The following PRR16 variants were observed in gnomAD, a reference collection of about 807,000 sequenced individuals.
The protein encoded by PRR16 is proline rich 16.
A neutral mutation model predicts 18.2 loss-of-function variants in PRR16; 6 were observed. The observed-to-expected ratio is 0.33, with a 90% confidence interval of 0.18 to 0.65. The LOEUF (loss-of-function observed/expected upper bound fraction) is 0.65, where lower values mean the gene tolerates loss of function less well. Among genes scored for constraint, PRR16 ranks in the 30% least tolerant of loss-of-function variants. The pLI is 0.74. For missense variants in PRR16, 412 were observed against 376.6 expected, an observed-to-expected ratio of 1.09 and a Z score of -0.78; for synonymous variants, 151 against 147.8, an observed-to-expected ratio of 1.02 and a Z score of -0.16.
the PRR16 span, among the ~76,000 whole-genome samples, chr5:120,755,437 A>C: frequency 6.6e-6 from 1 of 151,986 alleles, no homozygotes; most frequent in Non-Finnish European, 1.5e-5. Flanking sequence ...CTTTATGTCC[A>C]TGAGTGCCTG....
At chr5:120,773,731 T>C in the PRR16 span, among the ~76,000 whole-genome samples, 2 of 151,980 alleles carry the variant, frequency 1.3e-5, no homozygotes, top group African/African-American at 4.8e-5. Context: ...AGAATAAAGA[T>C]GGGGGATATT....
At chr5:120,528,768 G>C (rs1012348553) in intron 1 of PRR16, among the ~76,000 whole-genome samples, 2 of 152,172 alleles carry the variant, frequency 1.3e-5, no homozygotes, top group African/African-American at 4.8e-5. Flanking sequence ...TGAGGCAGCT[G>C]TCTAGAGACG....
chr5:120,776,349 C>T, the PRR16 span, among the ~76,000 whole-genome samples: 1 of 152,096 alleles, frequency 6.6e-6, no homozygotes, highest in African/African-American at 2.4e-5. Context: ...TTTTCAAGCA[C>T]TTTGGGCAGT....
At chr5:120,465,926 C>T (rs1749065149) in intron 1 of PRR16, among the ~76,000 whole-genome samples, 1 of 152,154 alleles carries the variant, frequency 6.6e-6, no homozygotes, top group Non-Finnish European at 1.5e-5. Flanking sequence ...TCAAGAGCCC[C>T]CTCGTCTTCC....
chr5:120,466,540 T>C (rs573065889), intron 1 of PRR16, among the ~76,000 whole-genome samples: 10 of 152,230 alleles, frequency 6.6e-5, no homozygotes, highest in Non-Finnish European at 1.0e-4. Context: ...CTGCACATGG[T>C]CCTGGTTTTG....
intron 1 of PRR16, among the ~76,000 whole-genome samples, chr5:120,521,213 C>T (rs546467596): frequency 2.5e-4 from 38 of 151,584 alleles, no homozygotes; most frequent in Admixed American, 5.3e-4. Context: ...GCCTTTGGCT[C>T]GGGACAAGAT....
At chr5:120,558,793 A>T (rs1752491770) in intron 1 of PRR16, among the ~76,000 whole-genome samples, 1 of 151,892 alleles carries the variant, frequency 6.6e-6, no homozygotes, top group South Asian at 2.1e-4. Flanking sequence ...TTATCTCCAC[A>T]TCCTTTCCAG....
chr5:120,603,030 T>G (rs1036648813), intron 1 of PRR16, among the ~76,000 whole-genome samples: 4 of 152,188 alleles, frequency 2.6e-5, no homozygotes, highest in Admixed American at 6.5e-5. Flanking sequence ...GTTTCCTTTT[T>G]TGCTGTGTCT....
chr5:120,596,344 G>A (rs1753814188), intron 1 of PRR16, among the ~76,000 whole-genome samples: 2 of 151,706 alleles, frequency 1.3e-5, no homozygotes, highest in South Asian at 4.1e-4. Flanking sequence ...ACATCTGAAG[G>A]AAGAGCTGAA....
At chr5:120,706,961 T>C in the PRR16 span, among the ~76,000 whole-genome samples, 1 of 152,164 alleles carries the variant, frequency 6.6e-6, no homozygotes, top group Non-Finnish European at 1.5e-5. Flanking sequence ...AGGGACATTA[T>C]ACATAGGGAC....
chr5:120,501,631 C>T (rs756514429), intron 1 of PRR16, among the ~76,000 whole-genome samples: 8 of 152,076 alleles, frequency 5.3e-5, no homozygotes, highest in Non-Finnish European at 8.8e-5. Flanking sequence ...ATGAGTGGAA[C>T]TATCCAAATT....
At chr5:120,665,076 G>A (rs1309499599) in intron 1 of PRR16, among the ~76,000 whole-genome samples, 4 of 140,014 alleles carry the variant, frequency 2.9e-5, no homozygotes, top group Non-Finnish European at 6.4e-5. Flanking sequence ...CCCACCAACA[G>A]TGTAAAAGTG....
chr5:120,518,452 G>A (rs1751068741), intron 1 of PRR16, among the ~76,000 whole-genome samples: 1 of 152,086 alleles, frequency 6.6e-6, no homozygotes, highest in Non-Finnish European at 1.5e-5. Context: ...TCCAGGAGTG[G>A]CATGGAAACT....
intron 1 of PRR16, among the ~76,000 whole-genome samples, chr5:120,522,106 AT>A (rs1751202127): frequency 1.3e-5 from 2 of 152,170 alleles, no homozygotes; most frequent in South Asian, 4.1e-4. Context: ...AGTCTTTGCT[AT>A]TGTGAATAGT....
At position 120,686,820 on chromosome 5, in the gene PRR16, T is replaced by A. The variant is rs1757144282; in HGVS notation, c.*111T>A. The stretch of plus-strand genomic sequence containing the variant: ...AAAGCCCAAATATATTAATCCTGCA[T>A]TCAGCAAAGTGGCATAAAAATCACC... On this transcript the variant is annotated 3_prime_UTR_variant, in exon 2 of 2. Transcript: ENST00000407149. 1.1e-6 allele frequency: 1 copy of A among 884,324 alleles called. No individual in the cohort carries two copies. Among genetic ancestry groups the A allele is most frequent in the Non-Finnish European group, 1.6e-6 (1 of 642,440 alleles). 54.8% of individuals were successfully genotyped at this position (884,324 alleles called of 1,614,324 possible).
rs1342497102 is a variant in PRR16, at chr5:120,488,040, T to C, written c.159+23395T>C. Among the ~76,000 whole-genome samples the C allele has an allele frequency of 2.0e-5, 3 of 152,232 alleles. No homozygotes were observed. The East Asian group carries it at 5.8e-4, about 29-fold the overall frequency. Reference sequence around the variant, plus strand: ...ATAAGCTTTTTCATGTGCTACTGTATTTGGTTTGCCAGTATTTTATTGAGG... The same window carrying C: ...ATAAGCTTTTTCATGTGCTACTGTACTTGGTTTGCCAGTATTTTATTGAGG... On this transcript the variant is annotated intron_variant, in intron 1 of 1. Coordinates refer to ENST00000407149, the MANE Select transcript of PRR16 (RefSeq NM_001300783.2).
chr5:120,526,742 T>C (rs1319641778), intron 1 of PRR16, among the ~76,000 whole-genome samples: 2 of 152,152 alleles, frequency 1.3e-5, no homozygotes, highest in Non-Finnish European at 2.9e-5. Flanking sequence ...TGAAAGAATA[T>C]ACAGTAATTA....
intron 1 of PRR16, among the ~76,000 whole-genome samples, chr5:120,522,369 T>C (rs1253144089): frequency 1.3e-5 from 2 of 152,206 alleles, no homozygotes; most frequent in Non-Finnish European, 2.9e-5. Context: ...CCATTCTAAC[T>C]GGTGTGAGAT....
chr5:120,602,983 T>C (rs1167904950), intron 1 of PRR16, among the ~76,000 whole-genome samples: 1 of 152,090 alleles, frequency 6.6e-6, no homozygotes, highest in Non-Finnish European at 1.5e-5. Flanking sequence ...TTGTTGAGGA[T>C]GTTTGCATCT....
Sources: allele counts gnomAD v4.1 joint callset (sites outside exome capture counted in the v4.1 genomes callset), GRCh38; gene constraint gnomAD v4.1.1; transcripts MANE v1.5; gene names NCBI Gene and HGNC (gene_info 2026-07-23, HGNC 2026-07-21).